Variants in GLI3 observed in about 807,000 individuals in gnomAD.
The protein encoded by GLI3 is GLI family zinc finger 3.
In GLI3, 20 loss-of-function variants were observed where a neutral mutation model predicts 100.8. The ratio of observed to expected loss-of-function variants is 0.20; its 90% confidence interval spans 0.14 to 0.29. The LOEUF is 0.29. Ranked by LOEUF, GLI3 falls within the 10% of genes least tolerant of loss-of-function variation. GLI3 has a pLI of 1.00. For synonymous variants in GLI3, 938 were observed against 860.5 expected, an observed-to-expected ratio of 1.09 and a Z score of -1.58; for missense variants, 2,040 against 2,128.5, an observed-to-expected ratio of 0.96 and a Z score of 0.82.
chr7:42,057,992 A>G (rs1038571622), intron 4 of GLI3, among the ~76,000 whole-genome samples: 1 of 152,166 alleles, frequency 6.6e-6, no homozygotes, highest in Non-Finnish European at 1.5e-5. Flanking sequence ...TCACCACTAT[A>G]CACTTCATCC....
intron 3 of GLI3, among the ~76,000 whole-genome samples, chr7:42,077,446 G>A (rs1028126036): frequency 6.6e-6 from 1 of 150,660 alleles, no homozygotes; most frequent in Non-Finnish European, 1.5e-5. Context: ...CCCACACAAA[G>A]GCAGCAAATC....
In GLI3 at chr7:42,023,609, C is replaced by G; in HGVS notation, c.1357-1G>C. On this transcript the variant is annotated splice_acceptor_variant, in intron 9 of 14. Transcript: ENST00000395925. LOFTEE classifies it high-confidence loss of function. ...CAAGGGTTGTTCCTTCGGGCTGTTCCTGAAAGAAGAGGGTGGGGGGCAGGG... is the reference window on the plus strand; with the variant it reads ...CAAGGGTTGTTCCTTCGGGCTGTTCGTGAAAGAAGAGGGTGGGGGGCAGGG... 6.3e-7 allele frequency: 1 copy of G among 1,593,128 alleles called. No homozygotes were observed. Among genetic ancestry groups the G allele is most frequent in the Non-Finnish European group, 8.6e-7 (1 of 1,166,216 alleles).
At chr7:42,226,663 G>C (rs1583662133) in intron 1 of GLI3, among the ~76,000 whole-genome samples, 1 of 152,160 alleles carries the variant, frequency 6.6e-6, no homozygotes, top group South Asian at 2.1e-4. Flanking sequence ...TAAAAGTGTG[G>C]TTTATGCTTG....
At chr7:42,142,211 T>A (rs928055019) in intron 3 of GLI3, among the ~76,000 whole-genome samples, 3 of 152,070 alleles carry the variant, frequency 2.0e-5, no homozygotes, top group Non-Finnish European at 4.4e-5. Flanking sequence ...ATAAGCAGGA[T>A]TTGAAGGCAA....
At chr7:42,224,097 C>CG (rs1416835590) in intron 1 of GLI3, among the ~76,000 whole-genome samples, 1 of 152,174 alleles carries the variant, frequency 6.6e-6, no homozygotes, top group Non-Finnish European at 1.5e-5. Context: ...ATGTGATAAT[C>CG]GCCCTAACTC....
At chr7:42,206,229 C>G (rs926780546) in intron 2 of GLI3, among the ~76,000 whole-genome samples, 16 of 151,874 alleles carry the variant, frequency 1.1e-4, no homozygotes, top group Non-Finnish European at 2.2e-4. Flanking sequence ...GATAGCACTA[C>G]TGCACCCCAG....
rs201239368 is a variant in GLI3, at chr7:42,015,879, A to AT, written c.1497+7588dup. On this transcript the variant is annotated intron_variant, in intron 10 of 14. Transcript: ENST00000395925. ...AGGAGAAACTTTTTCTTTAATCACA[A>AT]TTTTTTTTTGTTTTTCTTACGTGTG... 2.1e-4 allele frequency among the ~76,000 whole-genome samples: 32 copies of AT among 151,540 alleles called. No individual in the cohort carries two copies. In the East Asian group the frequency reaches 4.2e-3, roughly 20 times the overall value.
At chr7:42,011,097 C>T (rs1788600520) in intron 10 of GLI3, among the ~76,000 whole-genome samples, 1 of 152,148 alleles carries the variant, frequency 6.6e-6, no homozygotes, top group Non-Finnish European at 1.5e-5. Flanking sequence ...CTATTCAGTC[C>T]CACTTTGTTT....
At chr7:42,161,440 G>T (rs567064250) in intron 2 of GLI3, among the ~76,000 whole-genome samples, 2 of 152,154 alleles carry the variant, frequency 1.3e-5, no homozygotes, top group African/African-American at 4.8e-5. Flanking sequence ...CAGAAAAGTC[G>T]TGTTGTCCTC....
chr7:42,210,585 AG>A (rs1788252392), intron 2 of GLI3, among the ~76,000 whole-genome samples: 2 of 152,112 alleles, frequency 1.3e-5, no homozygotes, highest in Non-Finnish European at 2.9e-5. Flanking sequence ...TTCTTTATTA[AG>A]AAAGGGTTTT....
intron 2 of GLI3, chr7:42,151,194 A>G (rs987668430): frequency 3.2e-4 from 48 of 152,210 alleles, no homozygotes; most frequent in African/African-American, 1.1e-3. Context: ...TCCCCGCTCC[A>G]AAAGGAAAAC....
intron 2 of GLI3, among the ~76,000 whole-genome samples, chr7:42,214,334 T>C (rs1009631512): frequency 6.6e-6 from 1 of 151,822 alleles, no homozygotes; most frequent in Non-Finnish European, 1.5e-5. Context: ...CCTTTTCAAC[T>C]GTCAAGCCAG....
intron 1 of GLI3, among the ~76,000 whole-genome samples, chr7:42,250,037 G>T (rs1333286962): frequency 6.6e-6 from 1 of 152,098 alleles, no homozygotes; most frequent in East Asian, 1.9e-4. Flanking sequence ...CAAGGCTGCA[G>T]TGAGCCAAGA....
intron 2 of GLI3, among the ~76,000 whole-genome samples, chr7:42,156,947 A>G (rs1264536736): frequency 6.6e-6 from 1 of 152,264 alleles, no homozygotes; most frequent in African/African-American, 2.4e-5. Context: ...TTTTTAGAAG[A>G]TCACGGAATG....
intron 6 of GLI3, among the ~76,000 whole-genome samples, chr7:42,043,874 A>G (rs544263410): frequency 6.6e-6 from 1 of 152,348 alleles, no homozygotes; most frequent in East Asian, 1.9e-4. Flanking sequence ...GCATAATAAC[A>G]CAACTTTTTT....
intron 7 of GLI3, among the ~76,000 whole-genome samples, chr7:42,026,984 A>G (rs1789136038): frequency 6.6e-6 from 1 of 152,246 alleles, no homozygotes; most frequent in Admixed American, 6.5e-5. Flanking sequence ...ACAGAAGCTG[A>G]TGGATTAACC....
chr7:42,023,825 G>A (rs549434765), intron 9 of GLI3, among the ~76,000 whole-genome samples: 1 of 152,258 alleles, frequency 6.6e-6, no homozygotes, highest in African/African-American at 2.4e-5. Flanking sequence ...GCAACAGCCT[G>A]TCAAAATTAT....
At chr7:42,183,482 C>A (rs768819271) in intron 2 of GLI3, among the ~76,000 whole-genome samples, 16 of 152,062 alleles carry the variant, frequency 1.1e-4, no homozygotes, top group African/African-American at 1.7e-4. Context: ...ATAGCAAGGG[C>A]CCAGGACAAT....
At chr7:42,053,156 C>T (rs9791676) in intron 4 of GLI3, among the ~76,000 whole-genome samples, 28,007 of 152,188 alleles carry the variant, frequency 0.18, 3,167 homozygotes, top group Non-Finnish European at 0.26. Context: ...CCACCATGCC[C>T]AGCTAAGTTT....
Sources: gnomAD v4.1 joint callset for allele counts (sites outside exome capture counted in the v4.1 genomes callset) on GRCh38, gnomAD v4.1.1 for gene constraint, MANE v1.5 for transcripts, NCBI Gene and HGNC (gene_info 2026-07-23, HGNC 2026-07-21) for gene names.